The following OMA1 variants were observed in gnomAD, a reference collection of about 807,000 sequenced individuals.
The protein encoded by OMA1 is OMA1 zinc metallopeptidase.
In OMA1, 38 loss-of-function variants were observed where a neutral mutation model predicts 30.9. The observed-to-expected ratio is 1.23, with a 90% confidence interval of 0.95 to 1.61. The LOEUF (loss-of-function observed/expected upper bound fraction) is 1.61, where lower values mean the gene tolerates loss of function less well. OMA1 is among the 40% of genes most tolerant of loss of function. The pLI is 0.00. For missense variants in OMA1, 461 were observed against 349.2 expected (o/e 1.32, Z -2.55); for synonymous variants, 173 against 121.9 (o/e 1.42, Z -2.76).
intron 8 of OMA1, among the ~76,000 whole-genome samples, chr1:58,486,641 A>T (rs1645580104): frequency 6.6e-6 from 1 of 152,210 alleles, no homozygotes; most frequent in Admixed American, 6.5e-5. Context: ...CAATAAACAA[A>T]TAAGGTAATT....
intron 1 of OMA1, among the ~76,000 whole-genome samples, chr1:58,543,607 T>C (rs12142098): frequency 0.65 from 98,744 of 152,040 alleles, 34,156 homozygotes; most frequent in East Asian, 0.94. Context: ...ATGCAAACCC[T>C]GGCAACAGAA....
chr1:58,488,048 C>A (rs1006585044), intron 8 of OMA1, among the ~76,000 whole-genome samples: 2 of 152,054 alleles, frequency 1.3e-5, no homozygotes, highest in African/African-American at 2.4e-5. Flanking sequence ...CTATTTGAGA[C>A]ATTTATAGTT....
chr1:58,539,422 T>C (rs1646568894), intron 1 of OMA1, 112 bp from the exon 2 acceptor site: 3 of 624,364 alleles, frequency 4.8e-6, no homozygotes, highest in Non-Finnish European at 8.2e-6. Flanking sequence ...CATCTCAGGC[T>C]AAATTACCTT....
intron 1 of OMA1, chr1:58,542,605 G>A (rs1466940406): frequency 6.6e-6 from 1 of 152,126 alleles, no homozygotes; most frequent in African/African-American, 2.4e-5. Context: ...TGTTTTAAAT[G>A]GGAAAGTGTT....
rs1324074812 is a variant in OMA1, at chr1:58,488,640, C to T, written c.1366-7466G>A. On this transcript the variant is annotated intron_variant, in intron 8 of 8. Transcript: ENST00000371226. ...CTAATTTTTGTATTTTTAGTAGAGA[C>T]AGGGTTTCTCCATGTTGGTCAGGCT... Among the ~76,000 whole-genome samples, 6 of 152,234 alleles carry T rather than the reference C, an allele frequency of 3.9e-5. No homozygotes were observed. The East Asian group carries it at 1.2e-3, about 29-fold the overall frequency.
chr1:58,510,291 G>A (rs1437958459), intron 7 of OMA1, among the ~76,000 whole-genome samples: 2 of 151,974 alleles, frequency 1.3e-5, no homozygotes, highest in African/African-American at 4.8e-5. Context: ...CATGACCAAG[G>A]AGGATTTCTT....
At chr1:58,488,993 C>T (rs533916916) in intron 8 of OMA1, among the ~76,000 whole-genome samples, 11 of 152,362 alleles carry the variant, frequency 7.2e-5, no homozygotes, top group Non-Finnish European at 1.5e-4. Context: ...GGAACAGCTC[C>T]AGTCTACAGC....
At chr1:58,497,251 G>A (rs1394431502) in intron 8 of OMA1, among the ~76,000 whole-genome samples, 2 of 152,172 alleles carry the variant, frequency 1.3e-5, no homozygotes, top group African/African-American at 2.4e-5. Context: ...GGGGGGTACT[G>A]TCCTAAAGTC....
chr1:58,525,778 A>G (rs1422519075), intron 7 of OMA1, among the ~76,000 whole-genome samples: 1 of 152,130 alleles, frequency 6.6e-6, no homozygotes, highest in Non-Finnish European at 1.5e-5. Flanking sequence ...ATTCTGCAGA[A>G]CAACACTGGA....
At chr1:58,543,799 C>T (rs1646658934) in intron 1 of OMA1, among the ~76,000 whole-genome samples, 1 of 152,108 alleles carries the variant, frequency 6.6e-6, no homozygotes, top group African/African-American at 2.4e-5. Flanking sequence ...ACAGAGGTGG[C>T]AAACTCAAAC....
chr1:58,508,142 G>A (rs1003055586), intron 7 of OMA1, among the ~76,000 whole-genome samples: 3 of 152,066 alleles, frequency 2.0e-5, no homozygotes, highest in Non-Finnish European at 4.4e-5. Flanking sequence ...CTACAGACTA[G>A]AAAGTATTCC....
At chr1:58,512,961 TACTC>T (rs1205890992) in intron 7 of OMA1, among the ~76,000 whole-genome samples, 8 of 152,180 alleles carry the variant, frequency 5.3e-5, no homozygotes, top group Non-Finnish European at 1.0e-4. Flanking sequence ...TTAAAATAAA[TACTC>T]AGTTTATCAC....
At chr1:58,516,292 A>G (rs556291706) in intron 7 of OMA1, among the ~76,000 whole-genome samples, 1 of 152,296 alleles carries the variant, frequency 6.6e-6, no homozygotes, top group South Asian at 2.1e-4. Flanking sequence ...GTTACGAAAA[A>G]ATTAAAACTG....
rs1449790550 is a variant in OMA1, at chr1:58,492,417, G to C, written c.1366-11243C>G. ...GAAGGCAAGAAAATAACTAAGATCA[G>C]AGCAGAACTGAAGGAAATAGAGACA... On this transcript the variant is annotated intron_variant, in intron 8 of 8. Transcript: ENST00000371226. Among the ~76,000 whole-genome samples the C allele has an allele frequency of 3.3e-5, 5 of 152,224 alleles. No homozygotes were observed. The South Asian group carries it at 8.3e-4, about 25-fold the overall frequency.
chr1:58,486,220 GA>G (rs1487913104), intron 8 of OMA1, among the ~76,000 whole-genome samples: 1 of 152,186 alleles, frequency 6.6e-6, no homozygotes, highest in Non-Finnish European at 1.5e-5. Flanking sequence ...CTTACCTACA[GA>G]AATGCACAAG....
rs1198670078 is a variant in OMA1, at chr1:58,480,930, A to G, written c.*35T>C. On this transcript the variant is annotated 3_prime_UTR_variant, in exon 9 of 9. Coordinates refer to ENST00000371226, the MANE Select transcript of OMA1 (RefSeq NM_145243.5). The stretch of plus-strand genomic sequence containing the variant: ...AACATAAAATGATAAGGACTGCAAC[A>G]TTCTTCATATATCTTGTGTCTCATA... The G allele has an allele frequency of 1.2e-6, 1 of 833,794 alleles. No individual in the cohort carries two copies. The highest frequency in any genetic ancestry group is 2.1e-6 in the Non-Finnish European group (1 of 485,174). The allele number at this position is 833,794 out of a possible 1,614,324, so 51.6% of individuals were successfully genotyped here. A position where few individuals can be genotyped will look rare whatever the true frequency, so the allele number is the denominator to read the frequency against.
chr1:58,490,155 G>A (rs1215928475), intron 8 of OMA1, among the ~76,000 whole-genome samples: 1 of 152,138 alleles, frequency 6.6e-6, no homozygotes, highest in Admixed American at 6.5e-5. Flanking sequence ...AGCTAAAGGA[G>A]GAAGTTCGAA....
At chr1:58,519,178 G>C (rs747407671) in intron 7 of OMA1, among the ~76,000 whole-genome samples, 2 of 152,156 alleles carry the variant, frequency 1.3e-5, no homozygotes, top group Non-Finnish European at 2.9e-5. Context: ...ACAATGAATG[G>C]GAAAACCCTA....
At chr1:58,495,071 A>T (rs1289684821) in intron 8 of OMA1, among the ~76,000 whole-genome samples, 1 of 152,212 alleles carries the variant, frequency 6.6e-6, no homozygotes, top group Non-Finnish European at 1.5e-5. Context: ...CATATACAGC[A>T]TGGAATACTA....
Sources: gnomAD v4.1 joint callset for allele counts (sites outside exome capture counted in the v4.1 genomes callset) on GRCh38, gnomAD v4.1.1 for gene constraint, MANE v1.5 for transcripts, NCBI Gene and HGNC (gene_info 2026-07-23, HGNC 2026-07-21) for gene names.